ROR1: variants seen among roughly 807,000 people sequenced by gnomAD.
ROR1 encodes the protein ROR family WNT receptor 1, also known as inactive tyrosine-protein kinase transmembrane receptor ROR1.
Under a neutral mutation model 78.8 loss-of-function variants are expected in ROR1, and 19 were observed. That is an observed-to-expected ratio of 0.24 (90% CI 0.17 to 0.35). The LOEUF (loss-of-function observed/expected upper bound fraction) is 0.35, where lower values mean the gene tolerates loss of function less well. Among genes scored for constraint, ROR1 ranks in the 10% least tolerant of loss-of-function variants. The probability of loss-of-function intolerance (pLI) is 1.00; values close to 1 mark genes in which losing one functional copy is unlikely to be tolerated. For synonymous variants in ROR1, 386 were observed against 433.6 expected, an observed-to-expected ratio of 0.89 and a Z score of 1.36; for missense variants, 917 against 1,177.8, an observed-to-expected ratio of 0.78 and a Z score of 3.24.
At chr1:63,919,968 G>A (rs1489753079) in intron 1 of ROR1, among the ~76,000 whole-genome samples, 1 of 152,184 alleles carries the variant, frequency 6.6e-6, no homozygotes, top group African/African-American at 2.4e-5. Flanking sequence ...TAGCTTAAAT[G>A]CAGCTGAAAA....
chr1:63,938,166 C>T (rs1057124103), intron 1 of ROR1, among the ~76,000 whole-genome samples: 2 of 152,080 alleles, frequency 1.3e-5, no homozygotes, highest in Non-Finnish European at 2.9e-5. Flanking sequence ...TGTGTCTGTG[C>T]TTTATATGAG....
intron 1 of ROR1, among the ~76,000 whole-genome samples, chr1:63,778,297 C>T (rs750848865): frequency 5.9e-5 from 9 of 152,134 alleles, no homozygotes; most frequent in Non-Finnish European, 1.0e-4. Flanking sequence ...TGCATTTTTA[C>T]GGTTCTGTAT....
At chr1:63,907,620 A>G (rs1377635011) in intron 1 of ROR1, among the ~76,000 whole-genome samples, 1 of 152,202 alleles carries the variant, frequency 6.6e-6, no homozygotes, top group African/African-American at 2.4e-5. Flanking sequence ...AAGTTCACTG[A>G]GCCTTTGAAT....
intron 2 of ROR1, among the ~76,000 whole-genome samples, chr1:64,048,118 A>G (rs530210963): frequency 4.5e-4 from 68 of 152,336 alleles, no homozygotes; most frequent in Non-Finnish European, 9.1e-4. Flanking sequence ...GGGCAATTAA[A>G]TTACCCGGTT....
At chr1:64,044,987 A>C (rs1021192858) in intron 2 of ROR1, among the ~76,000 whole-genome samples, 2 of 152,194 alleles carry the variant, frequency 1.3e-5, no homozygotes, top group African/African-American at 2.4e-5. Context: ...AGTGTTCTCT[A>C]AACAGGCAAT....
intron 4 of ROR1, among the ~76,000 whole-genome samples, chr1:64,118,649 AAAAAAAAAAAAAG>A (rs1258821484): frequency 4.3e-4 from 65 of 150,636 alleles, no homozygotes; most frequent in African/African-American, 1.6e-3. Flanking sequence ...AAAAAAAAAA[AAAAAAAAAAAAAG>A]AATTAGATGG....
At chr1:63,830,300 A>G (rs685458) in intron 1 of ROR1, among the ~76,000 whole-genome samples, 48,778 of 152,052 alleles carry the variant, frequency 0.32, 10,205 homozygotes, top group African/African-American at 0.6. Context: ...GACCTTGGCC[A>G]TATTCTTGCT....
chr1:63,892,988 C>G (rs898862553), intron 1 of ROR1, among the ~76,000 whole-genome samples: 1 of 152,138 alleles, frequency 6.6e-6, no homozygotes, highest in African/African-American at 2.4e-5. Flanking sequence ...CAAGGACCAG[C>G]TGGCAGAAGA....
chr1:64,025,002 A>C (rs114602127), intron 2 of ROR1, among the ~76,000 whole-genome samples: 2,022 of 152,328 alleles, frequency 0.013, 56 homozygotes, highest in African/African-American at 0.045. Flanking sequence ...GTATATTTTA[A>C]CATGGAAAAA....
intron 1 of ROR1, among the ~76,000 whole-genome samples, chr1:63,913,885 C>T (rs867672364): frequency 2.6e-5 from 4 of 152,142 alleles, no homozygotes; most frequent in African/African-American, 4.8e-5. Context: ...CAGTTTAAAA[C>T]GCCGTCCTCA....
At chr1:63,976,125 A>G (rs1179257013) in intron 1 of ROR1, among the ~76,000 whole-genome samples, 2 of 152,180 alleles carry the variant, frequency 1.3e-5, no homozygotes, top group Non-Finnish European at 2.9e-5. Context: ...ATGCACAAAA[A>G]CTAGATACCC....
At chr1:63,904,056 A>T (rs1645509407) in intron 1 of ROR1, among the ~76,000 whole-genome samples, 1 of 152,106 alleles carries the variant, frequency 6.6e-6, no homozygotes, top group African/African-American at 2.4e-5. Context: ...AGAAGAGGAG[A>T]ACAGTCAGGG....
intron 1 of ROR1, among the ~76,000 whole-genome samples, chr1:63,912,727 T>G (rs1388691616): frequency 1.3e-5 from 2 of 152,038 alleles, no homozygotes; most frequent in Non-Finnish European, 2.9e-5. Flanking sequence ...CTGTGGACAT[T>G]TTAAAGGGAG....
At chr1:63,973,825 C>T (rs897839343) in intron 1 of ROR1, among the ~76,000 whole-genome samples, 3 of 152,144 alleles carry the variant, frequency 2.0e-5, no homozygotes, top group African/African-American at 7.2e-5. Context: ...ACACAGAACC[C>T]TAAGTATTCT....
intron 1 of ROR1, among the ~76,000 whole-genome samples, chr1:63,776,428 T>C (rs773051433): frequency 6.6e-6 from 1 of 152,172 alleles, no homozygotes; most frequent in Non-Finnish European, 1.5e-5. Context: ...TCCTGTCCCT[T>C]TTAAGGGCTC....
chr1:64,102,035 A>C (rs1647570251), intron 4 of ROR1, among the ~76,000 whole-genome samples: 1 of 152,184 alleles, frequency 6.6e-6, no homozygotes, highest in South Asian at 2.1e-4. Flanking sequence ...TAATAACTAT[A>C]ACACTTCCTG....
chr1:64,160,466 C>T (rs1303792404), intron 8 of ROR1, among the ~76,000 whole-genome samples: 1 of 151,604 alleles, frequency 6.6e-6, no homozygotes, highest in Non-Finnish European at 1.5e-5. Flanking sequence ...TCATTAAAAA[C>T]AAGCAAACAA....
At chr1:63,921,623 G>T (rs1212103311) in intron 1 of ROR1, among the ~76,000 whole-genome samples, 1 of 129,948 alleles carries the variant, frequency 7.7e-6, no homozygotes. Context: ...GTTAAAGGAA[G>T]AATGTACGCT....
chr1:64,010,366 CTT>C (rs74685806), intron 2 of ROR1, among the ~76,000 whole-genome samples: 30 of 141,802 alleles, frequency 2.1e-4, no homozygotes, highest in East Asian at 2.0e-4. Flanking sequence ...TTCTATCTTA[CTT>C]TTTTTTTTTT....
Sources: allele counts gnomAD v4.1 joint callset (sites outside exome capture counted in the v4.1 genomes callset), GRCh38; gene constraint gnomAD v4.1.1; transcripts MANE v1.5; gene names NCBI Gene and HGNC (gene_info 2026-07-23, HGNC 2026-07-21).